The following ANKZF1 variants were observed in gnomAD, a reference collection of about 807,000 sequenced individuals.
ANKZF1 encodes ankyrin repeat and zinc finger peptidyl tRNA hydrolase 1.
Under a neutral mutation model 86.0 loss-of-function variants are expected in ANKZF1, and 84 were observed. The observed-to-expected ratio is 0.98, with a 90% CI of 0.82 to 1.17. ANKZF1 has a LOEUF of 1.17. Ranked by LOEUF, ANKZF1 falls within the 50% of genes most tolerant of loss-of-function variation. The pLI is 0.00. For synonymous variants in ANKZF1, 331 were observed against 354.2 expected, an observed-to-expected ratio of 0.93 and a Z score of 0.74; for missense variants, 893 against 918.4, an observed-to-expected ratio of 0.97 and a Z score of 0.36.
At chr2:219,231,691 G>A in intron 2 of ANKZF1, 1 of 426,722 alleles carries the variant, frequency 2.3e-6, no homozygotes, top group East Asian at 4.8e-5. Flanking sequence ...GCTGCACCTG[G>A]CCAATTTTAT....
At position 219,233,137 on chromosome 2, in the gene ANKZF1, A is replaced by G; in HGVS notation, c.617A>G (p.Asp206Gly). The G allele has an allele frequency of 6.2e-7, 1 of 1,614,212 alleles. No individual in the cohort carries two copies. Among genetic ancestry groups the G allele is most frequent in the Non-Finnish European group, 8.5e-7 (1 of 1,180,042 alleles). ...AACCTGCAAAGTAGAGGTCCCAGAG[A>G]CTGCGTGGTGCTCATGGCTGCAGCT... The part of the protein sequence containing the change: ...LQNLQSRGPR[D>G]CVVLMAAAGH... The change falls in exon 6 of 14, where the codon GAC (aspartate) becomes GGC (glycine). Residue 206 changes from aspartate to glycine, a missense_variant. Transcript: ENST00000323348.
chr2:219,236,652 T>C lies in ANKZF1; in HGVS notation c.*207T>C, dbSNP rs1951247989. The C allele has an allele frequency of 1.5e-6, 1 of 675,910 alleles. No homozygotes were observed. The highest frequency in any genetic ancestry group is 2.3e-5 in the South Asian group (1 of 43,272). 41.9% of individuals were successfully genotyped at this position (675,910 alleles called of 1,614,324 possible). On this transcript the variant is annotated 3_prime_UTR_variant, in exon 14 of 14. Transcript: ENST00000323348. ...AATCACAATAAAGTTTGGCAAGGAA[T>C]GTGTACTTGTACTTACATTCAGAGG...
chr2:219,234,069 T>C, intron 8 of ANKZF1, 64 bp from the exon 9 acceptor site: 1 of 1,572,612 alleles, frequency 6.4e-7, no homozygotes, highest in Non-Finnish European at 8.6e-7. Flanking sequence ...ACATCTGCAT[T>C]GAGAGAAACC....
intron 2 of ANKZF1, 70 bp from the exon 3 acceptor site, chr2:219,231,856 ACT>A (rs1951047631): frequency 7.9e-7 from 1 of 1,261,782 alleles, no homozygotes; most frequent in Non-Finnish European, 1.2e-6. Flanking sequence ...TGTATATCAC[ACT>A]CTGAATATAA....
chr2:219,236,522 C>T lies in ANKZF1; in HGVS notation c.*77C>T. ...ACAGCAGCCCTAGGTTTTTTCTTCCCCGTGAAACCAGAGATGATTTGGAAG... is the reference window on the plus strand; with the variant it reads ...ACAGCAGCCCTAGGTTTTTTCTTCCTCGTGAAACCAGAGATGATTTGGAAG... On this transcript the variant is annotated 3_prime_UTR_variant, in exon 14 of 14. Transcript: ENST00000323348. The T allele has an allele frequency of 1.3e-6, 2 of 1,497,212 alleles. No homozygotes were observed. Among genetic ancestry groups the T allele is most frequent in the South Asian group, 1.3e-5 (1 of 74,278 alleles). 92.7% of individuals were successfully genotyped at this position (1,497,212 alleles called of 1,614,324 possible). A position where few individuals can be genotyped will look rare whatever the true frequency, so the allele number is the denominator to read the frequency against.
intron 9 of ANKZF1, chr2:219,234,575 G>A: frequency 3.1e-6 from 2 of 652,450 alleles, no homozygotes; most frequent in South Asian, 4.0e-5. Context: ...TTGAGGCTGA[G>A]GGCTGCTTCC....
chr2:219,230,770 G>C (rs1473550694), intron 2 of ANKZF1: 1 of 161,598 alleles, frequency 6.2e-6, no homozygotes, highest in Non-Finnish European at 1.4e-5. Flanking sequence ...TGAGAGTCTC[G>C]CTCTGTCGCC....
At position 219,236,078 on chromosome 2, in the gene ANKZF1, T is replaced by C. The variant is rs900078874; in HGVS notation, c.2040T>C (p.Ser680=). Residue 680 remains serine, a synonymous_variant, in exon 13 of 14, where the codon TCT becomes TCC. Transcript: ENST00000323348. ...CCCCTACCTCTCCAATCCCTGACTC[T>C]GCAATCGTCAATACTCGGTATGGGG... ...LGAPTSPIPD[S]AIVNTRRCWS... 1.6e-4 allele frequency: 262 copies of C among 1,614,082 alleles called. No individual in the cohort carries two copies. Among genetic ancestry groups the C allele is most frequent in the Non-Finnish European group, 2.2e-4 (256 of 1,180,048 alleles).
In ANKZF1 at chr2:219,234,163, A is replaced by G. The variant is rs1300892411; in HGVS notation, c.1079A>G (p.His360Arg). 6.2e-7 allele frequency: 1 copy of G among 1,613,724 alleles called. No homozygotes were observed. The highest frequency in any genetic ancestry group is 8.5e-7 in the Non-Finnish European group (1 of 1,179,982). Residue 360 changes from histidine (H) to arginine (R), a missense_variant, in exon 9 of 14, where the codon CAC becomes CGC. His to Arg is a conservative substitution (Grantham distance 29). Coordinates refer to ENST00000323348, the MANE Select transcript of ANKZF1 (RefSeq NM_018089.3). ...GACCCTCGGGAAGCAGTCAGACTGC[A>G]CTCACCTCAGACACACTGGAAAACA... ...EEDPREAVRL[H>R]SPQTHWKTVR...
At position 219,230,268 on chromosome 2, in the gene ANKZF1, C is replaced by G; in HGVS notation, c.11C>G (p.Ala4Gly). 1 of 1,613,410 alleles carries G rather than the reference C, an allele frequency of 6.2e-7. No homozygotes were observed. Among genetic ancestry groups the G allele is most frequent in the Non-Finnish European group, 8.5e-7 (1 of 1,179,464 alleles). The change falls in exon 2 of 14, where the codon GCT (alanine) becomes GGT (glycine). Residue 4 changes from alanine to glycine, a missense_variant. Ala to Gly is a moderately conservative substitution (Grantham distance 60). Coordinates refer to ENST00000323348, the MANE Select transcript of ANKZF1 (RefSeq NM_018089.3). ...AATTTCTGCTCAGCCATGTCGCCGG[C>G]TCCAGATGCAGCCCCGGCTCCTGCG... is the stretch of plus-strand genomic sequence containing the variant. MSP[A>G]PDAAPAPASI...
chr2:219,231,938 G>C lies in ANKZF1; in HGVS notation c.159G>C (p.Glu53Asp). The change falls in exon 3 of 14, where the codon GAG becomes GAC. Residue 53 changes from glutamate (E) to aspartate (D), a missense_variant. Coordinates refer to ENST00000323348, the MANE Select transcript of ANKZF1 (RefSeq NM_018089.3). ...TCTTCCCTTATTTAGGCTCAGGGGA[G>C]AGAGAAAGCCCAGAAAGAAAGCTAC... ...APRTSCSGSG[E>D]RESPERKLLQ... The C allele has an allele frequency of 3.1e-6, 5 of 1,613,922 alleles. No individual in the cohort carries two copies. Among genetic ancestry groups the C allele is most frequent in the Non-Finnish European group, 4.2e-6 (5 of 1,179,918 alleles).
intron 8 of ANKZF1, 50 bp downstream of exon 8, chr2:219,233,993 A>C: frequency 6.5e-7 from 1 of 1,531,258 alleles, no homozygotes; most frequent in African/African-American, 1.4e-5. Flanking sequence ...TGTTCTCTCC[A>C]ACCTAAGCCT....
At position 219,235,701 on chromosome 2, in the gene ANKZF1, C is replaced by T; in HGVS notation, c.1804-7C>T. ...ACTTATAGGGTCTTATATTTGAAAT[C>T]CTCCAGGTGCCAGGACCATTGACAC... On this transcript the variant is annotated splice_region_variant and splice_polypyrimidine_tract_variant and intron_variant, in intron 11 of 13. Transcript: ENST00000323348. 2 of 1,613,836 alleles carry T rather than the reference C, an allele frequency of 1.2e-6. No homozygotes were observed. Among genetic ancestry groups the T allele is most frequent in the South Asian group, 1.1e-5 (1 of 91,074 alleles).
Position 219,235,272 on chromosome 2 carries a change from G to C in ANKZF1, c.1651G>C (p.Val551Leu). ...AGCTGCAGCTGGAAGAGGCTCAGTG[G>C]TTCGTCTGCTGCTGGAAGCAGGTGC... is the stretch of plus-strand genomic sequence containing the variant. ...AAAAAGRGSV[V>L]RLLLEAGADP... The change falls in exon 10 of 14, where the codon GTT becomes CTT. Residue 551 changes from valine (V) to leucine (L), a missense_variant. By Grantham distance (32) the Val-to-Leu change is conservative. Transcript: ENST00000323348. 6.2e-7 allele frequency: 1 copy of C among 1,611,870 alleles called. No individual in the cohort carries two copies.
At chr2:219,230,833 G>C (rs1196898313) in intron 2 of ANKZF1, 4 of 153,566 alleles carry the variant, frequency 2.6e-5, no homozygotes, top group African/African-American at 9.6e-5. Flanking sequence ...CCGTCTCCCG[G>C]GTTCAAGTGA....
In ANKZF1 at chr2:219,235,717, C is replaced by T. The variant is rs773927573; in HGVS notation, c.1813C>T (p.Pro605Ser). Residue 605 changes from proline to serine, a missense_variant, in exon 12 of 14, where the codon CCA becomes TCA. Physicochemically the swap from Pro to Ser is moderately conservative, Grantham distance 74. Coordinates refer to ENST00000323348, the MANE Select transcript of ANKZF1 (RefSeq NM_018089.3). ...ATTTGAAATCCTCCAGGTGCCAGGACCATTGACACCAGAAATGGAGGCACG... is the reference window on the plus strand; with the variant it reads ...ATTTGAAATCCTCCAGGTGCCAGGATCATTGACACCAGAAATGGAGGCACG... ...YDYNKAQVPG[P>S]LTPEMEARQA... 1.9e-6 allele frequency: 3 copies of T among 1,614,072 alleles called. No homozygotes were observed. The highest frequency in any genetic ancestry group is 4.5e-5 in the East Asian group (2 of 44,886).
rs370400955 is a variant in ANKZF1, at chr2:219,232,615, C to T, written c.490C>T (p.Arg164Ter). 1.2e-5 allele frequency: 20 copies of T among 1,614,056 alleles called. No homozygotes were observed. Among genetic ancestry groups the T allele is most frequent in the Admixed American group, 1.0e-4 (6 of 60,004 alleles). Residue 164 changes from arginine to a stop codon, truncating the protein, a stop_gained, in exon 5 of 14, where the codon CGA becomes TGA. Transcript: ENST00000323348. LOFTEE classifies it high-confidence loss of function. Reference protein sequence around the residue: ...LSRPPGFYPHRVLFQNAQGQF... With the variant: ...LSRPPGFYPH ...CCGACCCCCAGGCTTTTACCCTCATCGAGTTCTTTTCCAGAATGCCCAGGG... is the reference window on the plus strand; with the variant it reads ...CCGACCCCCAGGCTTTTACCCTCATTGAGTTCTTTTCCAGAATGCCCAGGG...
intron 9 of ANKZF1, 196 bp downstream of exon 9, chr2:219,234,484 T>C (rs970212875): frequency 1.3e-6 from 1 of 755,404 alleles, no homozygotes; most frequent in African/African-American, 1.8e-5. Flanking sequence ...TCCCCAGAGC[T>C]AAGAAAATCT....
chr2:219,232,131 C>A, intron 3 of ANKZF1, 91 bp downstream of exon 3: 1 of 1,423,588 alleles, frequency 7.0e-7, no homozygotes, highest in Non-Finnish European at 9.7e-7. Flanking sequence ...TAATAAAGGT[C>A]CATGCTTTGA....
Sources: allele counts gnomAD v4.1 joint callset, GRCh38; gene constraint gnomAD v4.1.1; transcripts MANE v1.5; gene names NCBI Gene and HGNC (gene_info 2026-07-23, HGNC 2026-07-21).